The following PPP2R5E variants were observed in gnomAD, a reference collection of about 807,000 sequenced individuals.
The protein encoded by PPP2R5E is protein phosphatase 2 regulatory subunit B'epsilon, also known as serine/threonine-protein phosphatase 2A 56 kDa regulatory subunit epsilon isoform.
A neutral mutation model predicts 65.3 loss-of-function variants in PPP2R5E; 4 were observed. That is an observed-to-expected ratio of 0.06 (90% CI 0.03 to 0.14). The LOEUF (loss-of-function observed/expected upper bound fraction) is 0.14. Among genes scored for constraint, PPP2R5E ranks in the 10% least tolerant of loss-of-function variants. The pLI is 1.00. For missense variants in PPP2R5E, 274 were observed against 556.1 expected (o/e 0.49, Z 5.10); for synonymous variants, 183 against 187.4 (o/e 0.98, Z 0.19).
At position 63,396,685 on chromosome 14, in the gene PPP2R5E, C is replaced by T; in HGVS notation, c.581G>A (p.Arg194Gln). ...GACTGTTTTTAAGTAGTCCCGTTCC[C>T]GAGGGTCTTCGCTGTCAAATAGCTC... ...LLELFDSEDP[R>Q]ERDYLKTVLH... The change falls in exon 6 of 14, where the codon CGG (arginine) becomes CAG (glutamine). Residue 194 changes from arginine to glutamine, a missense_variant. Arg to Gln is a conservative substitution (Grantham distance 43, BLOSUM62 1). Coordinates refer to ENST00000337537, the MANE Select transcript of PPP2R5E (RefSeq NM_006246.5). 1 of 1,613,450 alleles carries T rather than the reference C, an allele frequency of 6.2e-7. No homozygotes were observed. The highest frequency in any genetic ancestry group is 8.5e-7 in the Non-Finnish European group (1 of 1,179,642).
In PPP2R5E at chr14:63,396,578, C is replaced by T. The variant is rs1440712013; in HGVS notation, c.680+8G>A. The T allele has an allele frequency of 1.2e-6, 2 of 1,611,384 alleles. No individual in the cohort carries two copies. Among genetic ancestry groups the T allele is most frequent in the African/African-American group, 2.7e-5 (2 of 74,790 alleles). The stretch of plus-strand genomic sequence containing the variant: ...CTTCTCCTTCTTCCCCCATCACACT[C>T]CACTTACCTTAGAAAAATATTGTTA... On this transcript the variant is annotated splice_region_variant and intron_variant, in intron 6 of 13. Coordinates refer to ENST00000337537, the MANE Select transcript of PPP2R5E (RefSeq NM_006246.5).
chr14:63,531,090 C>A (rs1893413362), intron 2 of PPP2R5E, among the ~76,000 whole-genome samples: 3 of 152,160 alleles, frequency 2.0e-5, no homozygotes, highest in Non-Finnish European at 4.4e-5. Context: ...ATTTCCTGAA[C>A]TCGGGAGGCG....
chr14:63,523,101 C>T (rs1307290323), intron 2 of PPP2R5E, among the ~76,000 whole-genome samples: 3 of 147,292 alleles, frequency 2.0e-5, no homozygotes, highest in South Asian at 2.2e-4. Flanking sequence ...GTCAGCCCCC[C>T]GCCCGGCCAG....
chr14:63,526,944 CG>C (rs1893208807), intron 2 of PPP2R5E, among the ~76,000 whole-genome samples: 1 of 152,198 alleles, frequency 6.6e-6, no homozygotes, highest in Admixed American at 6.5e-5. Context: ...CCAAGGCGGG[CG>C]GATCACCTGA....
intron 2 of PPP2R5E, among the ~76,000 whole-genome samples, chr14:63,476,294 A>T (rs775046295): frequency 7.9e-5 from 12 of 152,038 alleles, no homozygotes; most frequent in Non-Finnish European, 1.8e-4. Flanking sequence ...AAGGCACAAC[A>T]CTGGATCAAA....
intron 3 of PPP2R5E, among the ~76,000 whole-genome samples, chr14:63,437,824 C>G (rs1257536607): frequency 6.6e-6 from 1 of 152,168 alleles, no homozygotes; most frequent in South Asian, 2.1e-4. Flanking sequence ...TACACTTGCT[C>G]TCCAACTTAG....
At chr14:63,385,815 T>G (rs1165868650) in intron 11 of PPP2R5E, among the ~76,000 whole-genome samples, 1 of 152,210 alleles carries the variant, frequency 6.6e-6, no homozygotes, top group Non-Finnish European at 1.5e-5. Context: ...AGAGTTTGTT[T>G]CTGGTCCCTT....
At chr14:63,408,480 T>A (rs1247054365) in intron 5 of PPP2R5E, among the ~76,000 whole-genome samples, 12 of 152,250 alleles carry the variant, frequency 7.9e-5, no homozygotes, top group African/African-American at 2.9e-4. Flanking sequence ...CCTAAGGCGC[T>A]ATTATGTTCC....
intron 2 of PPP2R5E, among the ~76,000 whole-genome samples, chr14:63,478,028 G>A (rs996882462): frequency 6.6e-6 from 1 of 152,096 alleles, no homozygotes; most frequent in Middle Eastern, 3.4e-3. Context: ...CTTCAAATGG[G>A]GAAATAAAAA....
At chr14:63,390,534 A>G (rs1884960475) in intron 10 of PPP2R5E, among the ~76,000 whole-genome samples, 1 of 152,238 alleles carries the variant, frequency 6.6e-6, no homozygotes, top group Non-Finnish European at 1.5e-5. Context: ...AAATAAAGTG[A>G]GCAATCAAAA....
At chr14:63,486,505 T>G (rs1594930452) in intron 2 of PPP2R5E, among the ~76,000 whole-genome samples, 1 of 152,048 alleles carries the variant, frequency 6.6e-6, no homozygotes, top group Admixed American at 6.6e-5. Context: ...ATTCTTACTT[T>G]GAAATGTATA....
At chr14:63,442,010 T>C (rs2139435333) in intron 3 of PPP2R5E, among the ~76,000 whole-genome samples, 1 of 152,176 alleles carries the variant, frequency 6.6e-6, no homozygotes, top group East Asian at 1.9e-4. Context: ...CCCAAGCTGC[T>C]AAATCAATAC....
At chr14:63,453,200 G>C (rs1888942214) in intron 3 of PPP2R5E, 1 of 152,164 alleles carries the variant, frequency 6.6e-6, no homozygotes, top group Admixed American at 6.5e-5. Context: ...TATCAACCCT[G>C]ACTTCAAGGA....
intron 2 of PPP2R5E, among the ~76,000 whole-genome samples, chr14:63,465,450 CAAAAAAAAAAA>C (rs1171345415): frequency 1.5e-4 from 7 of 47,418 alleles, no homozygotes; most frequent in African/African-American, 1.5e-4. Flanking sequence ...TCCACCTCTA[CAAAAAAAAAAA>C]AAAAAAAAAA....
chr14:63,404,491 A>G (rs1353504354), intron 5 of PPP2R5E, among the ~76,000 whole-genome samples: 11 of 152,226 alleles, frequency 7.2e-5, no homozygotes, highest in Admixed American at 7.2e-4. Context: ...CAAAGAAACC[A>G]GAGCCAAAGG....
At chr14:63,396,447 G>C (rs896104501) in intron 6 of PPP2R5E, 139 bp downstream of exon 6, 1 of 1,107,800 alleles carries the variant, frequency 9.0e-7, no homozygotes, top group South Asian at 1.6e-5. Context: ...AGAGGCAGGA[G>C]AGTCAGTAGA....
chr14:63,397,318 A>C (rs1221190979), intron 5 of PPP2R5E, among the ~76,000 whole-genome samples: 3 of 152,124 alleles, frequency 2.0e-5, no homozygotes, highest in Non-Finnish European at 4.4e-5. Flanking sequence ...CCTGGCCAAC[A>C]TGGTGAAACC....
At chr14:63,413,412 G>A (rs1224305502) in intron 5 of PPP2R5E, among the ~76,000 whole-genome samples, 1 of 152,162 alleles carries the variant, frequency 6.6e-6, no homozygotes, top group Non-Finnish European at 1.5e-5. Context: ...CTTCTCCCTT[G>A]AAGTCACTCC....
chr14:63,472,431 T>C (rs1890180516), intron 2 of PPP2R5E, among the ~76,000 whole-genome samples: 1 of 152,246 alleles, frequency 6.6e-6, no homozygotes, highest in Non-Finnish European at 1.5e-5. Context: ...TCAACCTTGT[T>C]TGGATTTAAT....
Sources: allele counts gnomAD v4.1 joint callset (sites outside exome capture counted in the v4.1 genomes callset), GRCh38; gene constraint gnomAD v4.1.1; transcripts MANE v1.5; gene names NCBI Gene and HGNC (gene_info 2026-07-23, HGNC 2026-07-21).